The following MIER1 variants were observed in gnomAD, a reference collection of about 807,000 sequenced individuals.
MIER1 encodes the protein mesoderm induction early response protein 1.
Under a neutral mutation model 75.7 loss-of-function variants are expected in MIER1, and 40 were observed. The ratio of observed to expected loss-of-function variants is 0.53; its 90% CI spans 0.41 to 0.69. The LOEUF is 0.69. MIER1 is among the 30% of genes least tolerant of loss of function. MIER1 has a pLI of 0.00. For missense variants in MIER1, 574 were observed against 680.2 expected (o/e 0.84, Z 1.74); for synonymous variants, 213 against 223.4 (o/e 0.95, Z 0.42).
At chr1:66,930,175 T>C (rs955101582) in intron 2 of MIER1, 3 of 1,301,498 alleles carry the variant, frequency 2.3e-6, no homozygotes, top group East Asian at 6.6e-5. Flanking sequence ...TCGCTGGTCT[T>C]TTCCCTCCAG....
chr1:66,969,966 C>A (rs1272704614), intron 8 of MIER1, among the ~76,000 whole-genome samples: 1 of 152,176 alleles, frequency 6.6e-6, no homozygotes, highest in African/African-American at 2.4e-5. Flanking sequence ...CATCACTCAA[C>A]AGAATTTAAC....
chr1:66,926,022 T>C (rs1651665436), intron 1 of MIER1, 120 bp from the exon 2 acceptor site: 3 of 728,066 alleles, frequency 4.1e-6, no homozygotes, highest in South Asian at 3.4e-5. Context: ...TCTAAAATTG[T>C]CATGGGATCC....
rs1666744152 is a variant in MIER1, at chr1:66,986,068, GTGATACTTAGATAT to G, written c.*1171_*1184del. 2.1e-5 allele frequency: 22 copies of G among 1,027,044 alleles called. No individual in the cohort carries two copies. The highest frequency in any genetic ancestry group is 2.4e-5 in the Non-Finnish European group (21 of 857,536). 63.6% of individuals were successfully genotyped at this position (1,027,044 alleles called of 1,614,324 possible). Reference sequence around the variant, plus strand: ...TAAATAAACAGAGGAGGGGGGTCAAGTGATACTTAGATATTGGCACACACAAGGAACAACTGTTG... The same window carrying G: ...TAAATAAACAGAGGAGGGGGGTCAAGTGGCACACACAAGGAACAACTGTTG... On this transcript the variant is annotated 3_prime_UTR_variant, in exon 14 of 14. Coordinates refer to ENST00000401041, the MANE Select transcript of MIER1 (RefSeq NM_001077700.3).
Position 66,986,502 on chromosome 1 carries a change from C to T in MIER1, c.*1602C>T. Reference sequence around the variant, plus strand: ...TTCTGTGGTCTTGTTTTTAATGGCTCAACTGTCTGATGTAATTGAGTGAAG... The same window carrying T: ...TTCTGTGGTCTTGTTTTTAATGGCTTAACTGTCTGATGTAATTGAGTGAAG... On this transcript the variant is annotated 3_prime_UTR_variant, in exon 14 of 14. Coordinates refer to ENST00000401041, the MANE Select transcript of MIER1 (RefSeq NM_001077700.3). The T allele has an allele frequency of 6.8e-7, 1 of 1,479,346 alleles. No individual in the cohort carries two copies. Among genetic ancestry groups the T allele is most frequent in the Non-Finnish European group, 9.4e-7 (1 of 1,065,858 alleles). The allele number at this position is 1,479,346 out of a possible 1,614,324, so 91.6% of individuals were successfully genotyped here.
Position 66,925,016 on chromosome 1 carries a change from C to G in MIER1, c.-13C>G. ...GGCCCCTCCCAGGCTCTGAGTCTCC[C>G]GGCTGCAGGCGGATGGATGGGGCTT... is the stretch of plus-strand genomic sequence containing the variant. On this transcript the variant is annotated 5_prime_UTR_variant, in exon 1 of 14. Transcript: ENST00000401041. 6.5e-7 allele frequency: 1 copy of G among 1,544,814 alleles called. No individual in the cohort carries two copies. Among genetic ancestry groups the G allele is most frequent in the Non-Finnish European group, 8.7e-7 (1 of 1,144,676 alleles).
At chr1:66,966,497 C>G (rs544320173) in intron 8 of MIER1, among the ~76,000 whole-genome samples, 2 of 152,124 alleles carry the variant, frequency 1.3e-5, no homozygotes, top group African/African-American at 4.8e-5. Flanking sequence ...AATAAACATA[C>G]GTGTGCATGT....
At chr1:66,931,280 T>C (rs1281540883) in intron 2 of MIER1, among the ~76,000 whole-genome samples, 1 of 152,238 alleles carries the variant, frequency 6.6e-6, no homozygotes, top group South Asian at 2.1e-4. Context: ...ACTGGAACTT[T>C]AAATAACTGG....
intron 2 of MIER1, chr1:66,932,695 CAAAT>C (rs1653732432): frequency 2.0e-5 from 3 of 152,124 alleles, no homozygotes; most frequent in Middle Eastern, 3.4e-3. Flanking sequence ...TGCTTTTGAT[CAAAT>C]AAATCTGAGG....
intron 3 of MIER1, 71 bp downstream of exon 3, chr1:66,940,123 G>A (rs1655843139): frequency 1.8e-6 from 2 of 1,131,386 alleles, no homozygotes. Flanking sequence ...ATAAAGACTA[G>A]AGGAGTTAGA....
intron 4 of MIER1, among the ~76,000 whole-genome samples, chr1:66,948,893 TTACTAC>T (rs984567253): frequency 2.6e-4 from 40 of 152,260 alleles, no homozygotes; most frequent in African/African-American, 9.6e-4. Context: ...AATAAAAATG[TTACTAC>T]TATTTACCCT....
At chr1:66,950,100 T>C (rs954428571) in intron 4 of MIER1, among the ~76,000 whole-genome samples, 2 of 152,190 alleles carry the variant, frequency 1.3e-5, no homozygotes, top group Admixed American at 6.5e-5. Context: ...AGTAAATAAA[T>C]AGACTTTTGT....
Sources: allele counts gnomAD v4.1 joint callset (sites outside exome capture counted in the v4.1 genomes callset), GRCh38; gene constraint gnomAD v4.1.1; transcripts MANE v1.5; gene names NCBI Gene and HGNC (gene_info 2026-07-23, HGNC 2026-07-21).